Variants in CTNNA2 observed in about 807,000 individuals in gnomAD.
CTNNA2 encodes catenin alpha-2.
Under a neutral mutation model 101.0 loss-of-function variants are expected in CTNNA2, and 42 were observed. That is an observed-to-expected ratio of 0.42 (90% CI 0.32 to 0.54). The LOEUF is 0.54. Among genes scored for constraint, CTNNA2 ranks in the 20% least tolerant of loss-of-function variants. The pLI, the probability that CTNNA2 is intolerant of heterozygous loss-of-function variation, is 0.14. For synonymous variants in CTNNA2, 450 were observed against 456.4 expected (o/e 0.99, Z 0.18); for missense variants, 871 against 1,223.1 (o/e 0.71, Z 4.29).
intron 4 of CTNNA2, among the ~76,000 whole-genome samples, chr2:79,475,976 A>G (rs1188391128): frequency 1.3e-5 from 2 of 152,200 alleles, no homozygotes; most frequent in African/African-American, 2.4e-5. Context: ...TAAAAAATGT[A>G]TTGCTGAATT....
chr2:80,392,081 T>C (rs1206902466), intron 7 of CTNNA2, among the ~76,000 whole-genome samples: 1 of 152,204 alleles, frequency 6.6e-6, no homozygotes, highest in Non-Finnish European at 1.5e-5. Flanking sequence ...CGGGTATGTA[T>C]GTATCAGCTT....
chr2:80,163,635 G>A (rs1313119986), intron 7 of CTNNA2, among the ~76,000 whole-genome samples: 2 of 152,030 alleles, frequency 1.3e-5, no homozygotes, highest in Non-Finnish European at 2.9e-5. Context: ...ATTGAGTATT[G>A]TATCTTATTG....
chr2:79,258,845 CAAAAAAAAAA>C (rs869066159), intron 2 of CTNNA2, among the ~76,000 whole-genome samples: 146 of 91,366 alleles, frequency 1.6e-3, no homozygotes, highest in South Asian at 0.014. Context: ...AATCCTCTAC[CAAAAAAAAAA>C]AAAAAAAAAA....
chr2:79,705,753 A>G (rs1264366326), intron 2 of CTNNA2, among the ~76,000 whole-genome samples: 2 of 152,208 alleles, frequency 1.3e-5, no homozygotes, highest in African/African-American at 4.8e-5. Flanking sequence ...AAAAAATAAT[A>G]CTTGGTACTG....
At chr2:79,356,682 C>T (rs1677515463) in intron 3 of CTNNA2, among the ~76,000 whole-genome samples, 1 of 152,164 alleles carries the variant, frequency 6.6e-6, no homozygotes, top group Non-Finnish European at 1.5e-5. Flanking sequence ...CTAAAGTGAA[C>T]AGCCTCCAGT....
intron 3 of CTNNA2, among the ~76,000 whole-genome samples, chr2:79,840,864 G>T (rs1029186533): frequency 6.6e-6 from 1 of 151,868 alleles, no homozygotes; most frequent in Non-Finnish European, 1.5e-5. Context: ...TCGCCTCCCG[G>T]GTTCACGCCA....
intron 7 of CTNNA2, among the ~76,000 whole-genome samples, chr2:80,248,492 C>G (rs1212890547): frequency 2.0e-5 from 3 of 152,156 alleles, no homozygotes; most frequent in Non-Finnish European, 4.4e-5. Context: ...TTTTATTTCT[C>G]CAGATTCGTT....
intron 2 of CTNNA2, among the ~76,000 whole-genome samples, chr2:79,234,320 T>C (rs1408651297): frequency 6.6e-6 from 1 of 152,132 alleles, no homozygotes; most frequent in Non-Finnish European, 1.5e-5. Context: ...GGTATGATAG[T>C]CTTGGTTGAA....
chr2:79,354,445 C>A (rs918343910), intron 3 of CTNNA2, among the ~76,000 whole-genome samples: 1 of 152,172 alleles, frequency 6.6e-6, no homozygotes, highest in East Asian at 1.9e-4. Flanking sequence ...CTCTTGGATT[C>A]TTTTCTCAGC....
Position 79,770,198 on chromosome 2 carries a change from T to C in CTNNA2, c.298+25616T>C, listed in dbSNP as rs149147177. ...GGACAGCCATCACAGCAAAGAATTA[T>C]CTAGCCTAAAAGGTCAATAATGCTG... is the stretch of plus-strand genomic sequence containing the variant. On this transcript the variant is annotated intron_variant, in intron 3 of 18. Transcript: ENST00000402739. 3.5e-3 allele frequency among the ~76,000 whole-genome samples: 528 copies of C among 152,290 alleles called. 2 individuals carry two copies. The highest frequency in any genetic ancestry group is 0.012 in the African/African-American group (513 of 41,562).
intron 7 of CTNNA2, among the ~76,000 whole-genome samples, chr2:79,981,173 T>A (rs918368438): frequency 6.6e-6 from 1 of 151,936 alleles, no homozygotes; most frequent in Non-Finnish European, 1.5e-5. Context: ...TGGAAATAAA[T>A]GATACAAAAC....
intron 3 of CTNNA2, among the ~76,000 whole-genome samples, chr2:79,345,342 A>G (rs1677238483): frequency 6.6e-6 from 1 of 152,172 alleles, no homozygotes; most frequent in African/African-American, 2.4e-5. Context: ...ATTCATTGCT[A>G]CATTTGATTG....
intron 3 of CTNNA2, among the ~76,000 whole-genome samples, chr2:79,793,057 T>A (rs1675410832): frequency 6.6e-6 from 1 of 152,156 alleles, no homozygotes; most frequent in Admixed American, 6.5e-5. Flanking sequence ...ATGGTATGTA[T>A]GTTTAGTATG....
At chr2:80,494,368 T>C (rs1394542441) in intron 9 of CTNNA2, among the ~76,000 whole-genome samples, 3 of 152,122 alleles carry the variant, frequency 2.0e-5, no homozygotes, top group African/African-American at 4.8e-5. Flanking sequence ...AACAGACAAA[T>C]ATGAATGGGA....
chr2:80,262,585 G>A (rs318366), intron 7 of CTNNA2, among the ~76,000 whole-genome samples: 80,082 of 151,640 alleles, frequency 0.53, 22,186 homozygotes, highest in Non-Finnish European at 0.63. Context: ...GCTTAGGCCT[G>A]TAATGTGGTC....
chr2:80,530,689 G>A (rs543097220), intron 9 of CTNNA2, among the ~76,000 whole-genome samples: 192 of 152,264 alleles, frequency 1.3e-3, no homozygotes, highest in African/African-American at 4.4e-3. Flanking sequence ...ATCAGAGATG[G>A]TGCTGCAATA....
At chr2:79,981,401 A>G (rs1307814304) in intron 7 of CTNNA2, among the ~76,000 whole-genome samples, 1 of 152,170 alleles carries the variant, frequency 6.6e-6, no homozygotes, top group Non-Finnish European at 1.5e-5. Flanking sequence ...TTCCCAAGTT[A>G]TGGTGGGAGA....
At chr2:79,786,075 G>A (rs1166203588) in intron 3 of CTNNA2, among the ~76,000 whole-genome samples, 1 of 152,108 alleles carries the variant, frequency 6.6e-6, no homozygotes, top group African/African-American at 2.4e-5. Flanking sequence ...TTATTGATTG[G>A]AAGAGGTCTT....
chr2:80,147,002 A>G (rs1025414067), intron 7 of CTNNA2, among the ~76,000 whole-genome samples: 3 of 148,968 alleles, frequency 2.0e-5, no homozygotes, highest in South Asian at 4.3e-4. Context: ...GACTCCCTCT[A>G]TCACCCAGGC....
Sources: allele counts gnomAD v4.1 joint callset (sites outside exome capture counted in the v4.1 genomes callset), GRCh38; gene constraint gnomAD v4.1.1; transcripts MANE v1.5; gene names NCBI Gene and HGNC (gene_info 2026-07-23, HGNC 2026-07-21).